The following C1QTNF3 variants were observed in gnomAD, a reference collection of about 807,000 sequenced individuals.
C1QTNF3 encodes C1q and TNF related 3.
In C1QTNF3, 26 loss-of-function variants were observed where a neutral mutation model predicts 32.6. The ratio of observed to expected loss-of-function variants is 0.80; its 90% CI spans 0.58 to 1.11. C1QTNF3 has a LOEUF of 1.11. Among genes scored for constraint, C1QTNF3 ranks in the 50% least tolerant of loss-of-function variants. The probability of loss-of-function intolerance (pLI) is 0.00; values close to 1 mark genes in which losing one functional copy is unlikely to be tolerated. For synonymous variants in C1QTNF3, 155 were observed against 146.0 expected (o/e 1.06, Z -0.44); for missense variants, 362 against 398.2 (o/e 0.91, Z 0.77).
the C1QTNF3 span, among the ~76,000 whole-genome samples, chr5:34,185,772 AT>A: frequency 4.6e-5 from 7 of 151,992 alleles, no homozygotes; most frequent in Admixed American, 4.0e-4. Context: ...GTTACAAAAA[AT>A]AGTAGGTGAG....
chr5:34,156,547 T>G, the C1QTNF3 span, among the ~76,000 whole-genome samples: 8 of 152,210 alleles, frequency 5.3e-5, no homozygotes, highest in Non-Finnish European at 5.9e-5. Context: ...TATGTAATTA[T>G]ATTATGAGAA....
the C1QTNF3 span, among the ~76,000 whole-genome samples, chr5:34,066,859 T>C: frequency 6.6e-6 from 1 of 152,216 alleles, no homozygotes; most frequent in Non-Finnish European, 1.5e-5. Context: ...AATGAGTTTT[T>C]CTTTTTTATC....
the C1QTNF3 span, among the ~76,000 whole-genome samples, chr5:34,235,700 TA>T: frequency 2.6e-5 from 4 of 151,884 alleles, no homozygotes; most frequent in African/African-American, 9.6e-5. Flanking sequence ...GTAGTTTCAA[TA>T]ATTTTTTTTC....
the C1QTNF3 span, among the ~76,000 whole-genome samples, chr5:34,184,715 CAAAAAAAAAAAA>C: frequency 1.0e-4 from 13 of 129,588 alleles, no homozygotes; most frequent in East Asian, 1.9e-3. Context: ...GACTCTGTCT[CAAAAAAAAAAAA>C]AAAAAAAAAA....
the C1QTNF3 span, among the ~76,000 whole-genome samples, chr5:34,051,443 C>T: frequency 1.1e-3 from 163 of 152,282 alleles, 1 homozygote; most frequent in African/African-American, 3.5e-3. Flanking sequence ...TTGTATACAG[C>T]CTGTTCTGCA....
chr5:34,148,273 TG>T, the C1QTNF3 span, among the ~76,000 whole-genome samples: 2 of 137,932 alleles, frequency 1.4e-5, no homozygotes, highest in Admixed American at 7.3e-5. Context: ...GCAACGAGGC[TG>T]GGGGAGGGGC....
chr5:34,081,248 A>G, the C1QTNF3 span, among the ~76,000 whole-genome samples: 1 of 151,724 alleles, frequency 6.6e-6, no homozygotes, highest in African/African-American at 2.4e-5. Context: ...ACTTCCAATA[A>G]TGAAATTATT....
the C1QTNF3 span, among the ~76,000 whole-genome samples, chr5:34,154,414 A>T: frequency 3.9e-5 from 6 of 152,150 alleles, no homozygotes; most frequent in Admixed American, 1.3e-4. Context: ...TCTTGCTGTT[A>T]ATCAGATTGA....
the C1QTNF3 span, among the ~76,000 whole-genome samples, chr5:34,058,945 C>G: frequency 6.6e-6 from 1 of 152,074 alleles, no homozygotes; most frequent in Non-Finnish European, 1.5e-5. Context: ...GACTCAAGGT[C>G]AAGAGGAAGA....
At chr5:34,028,711 T>G in intron 4 of C1QTNF3, 43 bp downstream of exon 4, 1 of 1,552,128 alleles carries the variant, frequency 6.4e-7, no homozygotes, top group Non-Finnish European at 8.7e-7. Context: ...GTCTTTATTA[T>G]TACATTGATT....
the C1QTNF3 span, among the ~76,000 whole-genome samples, chr5:34,066,054 T>C: frequency 4.6e-5 from 7 of 152,338 alleles, no homozygotes; most frequent in African/African-American, 1.7e-4. Flanking sequence ...TGAGGTGTTA[T>C]TCCCTTACCA....
the C1QTNF3 span, among the ~76,000 whole-genome samples, chr5:34,163,511 G>C: frequency 6.6e-6 from 1 of 151,556 alleles, no homozygotes; most frequent in African/African-American, 2.4e-5. Flanking sequence ...CAATAACAAA[G>C]TCCTCACAAT....
At chr5:34,150,355 A>G in the C1QTNF3 span, among the ~76,000 whole-genome samples, 2 of 105,398 alleles carry the variant, frequency 1.9e-5, no homozygotes, top group South Asian at 3.2e-4. Context: ...CACGAAGCAG[A>G]CCTAATAGAC....
the C1QTNF3 span, among the ~76,000 whole-genome samples, chr5:34,078,876 C>A: frequency 6.6e-6 from 1 of 151,596 alleles, no homozygotes; most frequent in Non-Finnish European, 1.5e-5. This position sits in a 1 kb window ranked among gnomAD's most constrained non-coding sequence, Gnocchi z 4.0. Context: ...AACTTCCTCC[C>A]TTTCTGCCTT....
At chr5:34,158,370 G>A in the C1QTNF3 span, 1 of 152,110 alleles carries the variant, frequency 6.6e-6, no homozygotes, top group African/African-American at 2.4e-5. Flanking sequence ...GCCTCCCAAA[G>A]TGCTGGGATT....
the C1QTNF3 span, among the ~76,000 whole-genome samples, chr5:34,137,736 AAATT>A: frequency 6.6e-6 from 1 of 152,220 alleles, no homozygotes; most frequent in Non-Finnish European, 1.5e-5. Flanking sequence ...AGGAAGAAGT[AAATT>A]AATTTACATT....
chr5:34,118,991 C>T, the C1QTNF3 span, among the ~76,000 whole-genome samples: 1 of 151,976 alleles, frequency 6.6e-6, no homozygotes, highest in African/African-American at 2.4e-5. Flanking sequence ...TATTTGTATG[C>T]AGACAATGAA....
At chr5:34,237,127 T>C in the C1QTNF3 span, among the ~76,000 whole-genome samples, 77,277 of 151,802 alleles carry the variant, frequency 0.51, 22,872 homozygotes, top group Non-Finnish European at 0.66. Flanking sequence ...GAGTAAATTG[T>C]TGTTTTCAAG....
the C1QTNF3 span, among the ~76,000 whole-genome samples, chr5:34,221,436 T>G: frequency 6.6e-6 from 1 of 152,084 alleles, no homozygotes; most frequent in African/African-American, 2.4e-5. Flanking sequence ...TATTTGACAT[T>G]GAAATGTTCT....
Sources: gnomAD v4.1 joint callset for allele counts (sites outside exome capture counted in the v4.1 genomes callset) on GRCh38, gnomAD v4.1.1 for gene constraint, Gnocchi (gnomAD v3.1) non-coding constraint, MANE v1.5 for transcripts, NCBI Gene and HGNC (gene_info 2026-07-23, HGNC 2026-07-21) for gene names.